The following DPP6 variants were observed in gnomAD, a reference collection of about 807,000 sequenced individuals.
DPP6 encodes the protein A-type potassium channel modulatory protein DPP6.
Under a neutral mutation model 122.6 loss-of-function variants are expected in DPP6, and 69 were observed. That is an observed-to-expected ratio of 0.56 (90% CI 0.46 to 0.69). The LOEUF (loss-of-function observed/expected upper bound fraction) is 0.69, where lower values mean the gene tolerates loss of function less well. Among genes scored for constraint, DPP6 ranks in the 30% least tolerant of loss-of-function variants. DPP6 has a pLI of 0.00. For missense variants in DPP6, 928 were observed against 1,116.9 expected (o/e 0.83, Z 2.41); for synonymous variants, 418 against 433.1 (o/e 0.97, Z 0.43).
At chr7:153,928,396 A>ATGTTTTTTTT (rs1275067491) in intron 1 of DPP6, among the ~76,000 whole-genome samples, 1 of 43,672 alleles carries the variant, frequency 2.3e-5, no homozygotes, top group African/African-American at 7.9e-5. Context: ...CTTTTCTTTC[A>ATGTTTTTTTT]TTTTTTTTTT....
At chr7:154,220,153 C>A (rs1440515160) in intron 1 of DPP6, among the ~76,000 whole-genome samples, 1 of 152,148 alleles carries the variant, frequency 6.6e-6, no homozygotes, top group African/African-American at 2.4e-5. Flanking sequence ...GTGATAGTAT[C>A]AAGAGATGGG....
chr7:154,485,063 A>G (rs887930118), intron 3 of DPP6, among the ~76,000 whole-genome samples: 2 of 152,106 alleles, frequency 1.3e-5, no homozygotes, highest in Non-Finnish European at 1.5e-5. Context: ...ACATTTTTCA[A>G]TCAAAACCAT....
chr7:154,056,088 A>G (rs1007393297), intron 1 of DPP6, among the ~76,000 whole-genome samples: 2 of 152,266 alleles, frequency 1.3e-5, no homozygotes, highest in African/African-American at 4.8e-5. Flanking sequence ...TAGAATGGCT[A>G]GAATTAATAA....
intron 2 of DPP6, among the ~76,000 whole-genome samples, chr7:154,464,307 C>A (rs769433293): frequency 6.6e-6 from 1 of 152,322 alleles, no homozygotes; most frequent in African/African-American, 2.4e-5. Context: ...AGATTCTCTG[C>A]CACACAACTG....
intron 3 of DPP6, among the ~76,000 whole-genome samples, chr7:154,487,346 C>T (rs1823884369): frequency 6.6e-6 from 1 of 152,050 alleles, no homozygotes; most frequent in African/African-American, 2.4e-5. Context: ...TCCTGAAGAC[C>T]CCGCCGTACT....
intron 1 of DPP6, among the ~76,000 whole-genome samples, chr7:154,082,892 A>C (rs1181372966): frequency 7.6e-6 from 1 of 132,166 alleles, no homozygotes; most frequent in Non-Finnish European, 1.5e-5. Flanking sequence ...TCTGTCACCC[A>C]GGCTGGAGTG....
At chr7:154,646,160 A>T (rs540540347) in intron 6 of DPP6, among the ~76,000 whole-genome samples, 2 of 152,026 alleles carry the variant, frequency 1.3e-5, no homozygotes, top group African/African-American at 4.8e-5. Context: ...AATAAATCTC[A>T]TACTCACTGT....
At chr7:153,812,867 G>A in the DPP6 span, among the ~76,000 whole-genome samples, 2 of 151,896 alleles carry the variant, frequency 1.3e-5, no homozygotes, top group Admixed American at 6.6e-5. Flanking sequence ...CAATATAAAT[G>A]GAAATATACA....
At chr7:154,646,881 T>C (rs1371627159) in intron 6 of DPP6, among the ~76,000 whole-genome samples, 1 of 152,186 alleles carries the variant, frequency 6.6e-6, no homozygotes, top group Non-Finnish European at 1.5e-5. Context: ...TGGAATGTCA[T>C]CGGCCACCTG....
chr7:154,332,579 G>A (rs1809048046), intron 1 of DPP6, among the ~76,000 whole-genome samples: 1 of 152,200 alleles, frequency 6.6e-6, no homozygotes, highest in South Asian at 2.1e-4. Flanking sequence ...CTGTCCATTA[G>A]GAGGAAAGTG....
At chr7:154,060,419 C>T (rs1585267379) in intron 1 of DPP6, among the ~76,000 whole-genome samples, 2 of 134,444 alleles carry the variant, frequency 1.5e-5, no homozygotes, top group African/African-American at 6.1e-5. Context: ...AGGGGGGAGG[C>T]ACCCCCCGCG....
rs4960562 is a variant in DPP6, at chr7:154,893,197, G to A, written c.*717G>A. 15,064 of 264,346 alleles carry A rather than the reference G, an allele frequency of 0.057. 767 individuals carry two copies. The highest frequency in any genetic ancestry group is 0.2 in the African/African-American group (7,101 of 36,170). 16.4% of individuals were successfully genotyped at this position (264,346 alleles called of 1,614,324 possible). A position where few individuals can be genotyped will look rare whatever the true frequency, so the allele number is the denominator to read the frequency against. ...TCTCCAGTCCACGTGTAGACTTTGC[G>A]CTTGATGAAGAAGCAGATCGGAAGT... is the stretch of plus-strand genomic sequence containing the variant. On this transcript the variant is annotated 3_prime_UTR_variant, in exon 26 of 26. Coordinates refer to ENST00000377770, the MANE Select transcript of DPP6 (RefSeq NM_130797.4).
At chr7:154,874,981 T>C (rs1021245293) in intron 19 of DPP6, among the ~76,000 whole-genome samples, 6 of 152,094 alleles carry the variant, frequency 3.9e-5, no homozygotes, top group Non-Finnish European at 7.4e-5. Context: ...ATGCCTGTGG[T>C]CTCAGCTATT....
chr7:154,650,186 A>G (rs1159325096), intron 6 of DPP6, among the ~76,000 whole-genome samples: 1 of 152,044 alleles, frequency 6.6e-6, no homozygotes, highest in East Asian at 1.9e-4. Context: ...TTAGTCGGAT[A>G]TGGTGGCACG....
intron 21 of DPP6, chr7:154,884,403 A>C (rs1303981493): frequency 6.6e-6 from 1 of 150,754 alleles, no homozygotes; most frequent in Non-Finnish European, 1.5e-5. Flanking sequence ...ACACATGCTC[A>C]CACGATTACA....
At chr7:154,494,047 G>T (rs1406132814) in intron 3 of DPP6, among the ~76,000 whole-genome samples, 5 of 152,102 alleles carry the variant, frequency 3.3e-5, no homozygotes, top group African/African-American at 1.2e-4. Flanking sequence ...TGTGTGTGTT[G>T]GTTCTTATTT....
intron 1 of DPP6, among the ~76,000 whole-genome samples, chr7:154,154,492 A>G (rs1334322203): frequency 1.3e-5 from 2 of 152,194 alleles, no homozygotes; most frequent in African/African-American, 4.8e-5. Context: ...TCAGTAAAAT[A>G]TTACTGATGC....
intron 1 of DPP6, among the ~76,000 whole-genome samples, chr7:154,432,526 G>A (rs557118103): frequency 1.8e-4 from 27 of 152,208 alleles, no homozygotes; most frequent in East Asian, 9.7e-4. Flanking sequence ...AGGGGTTTTC[G>A]GGGGGAAACA....
intron 7 of DPP6, among the ~76,000 whole-genome samples, chr7:154,714,684 A>C (rs1469997883): frequency 6.6e-6 from 1 of 152,226 alleles, no homozygotes; most frequent in Non-Finnish European, 1.5e-5. Context: ...TATGGGAGCT[A>C]CAATTCAAGA....
Sources: gnomAD v4.1 joint callset for allele counts (sites outside exome capture counted in the v4.1 genomes callset) on GRCh38, gnomAD v4.1.1 for gene constraint, MANE v1.5 for transcripts, NCBI Gene and HGNC (gene_info 2026-07-23, HGNC 2026-07-21) for gene names.